Variants in KLHL1 observed in about 807,000 individuals in gnomAD.
KLHL1 encodes the protein kelch-like protein 1.
KLHL1 carries 47 observed loss-of-function variants against 77.7 expected under a neutral mutation model. The ratio of observed to expected loss-of-function variants is 0.60; its 90% confidence interval spans 0.48 to 0.77. KLHL1 has a LOEUF of 0.77. KLHL1 is among the 30% of genes least tolerant of loss of function. The pLI is 0.00. For missense variants in KLHL1, 925 were observed against 910.8 expected (o/e 1.02, Z -0.20); for synonymous variants, 360 against 325.2 (o/e 1.11, Z -1.15).
intron 5 of KLHL1, among the ~76,000 whole-genome samples, 157 bp downstream of exon 5, chr13:69,882,126 T>C (rs1881023087): frequency 6.6e-6 from 1 of 152,208 alleles, no homozygotes; most frequent in Non-Finnish European, 1.5e-5. Context: ...TCCATCATCA[T>C]ACATCATTTT....
intron 1 of KLHL1, among the ~76,000 whole-genome samples, chr13:70,073,505 T>A (rs1887185807): frequency 6.6e-6 from 1 of 151,928 alleles, no homozygotes; most frequent in South Asian, 2.1e-4. Context: ...CATGTGTACA[T>A]ATGTAACAAG....
intron 6 of KLHL1, among the ~76,000 whole-genome samples, chr13:69,832,600 A>G (rs1878804806): frequency 6.6e-6 from 1 of 151,702 alleles, no homozygotes; most frequent in Admixed American, 6.6e-5. Flanking sequence ...AAAATTCTAA[A>G]CCTCACGTGG....
intron 7 of KLHL1, among the ~76,000 whole-genome samples, chr13:69,749,224 C>A (rs1480108939): frequency 6.6e-6 from 1 of 151,896 alleles, no homozygotes; most frequent in Non-Finnish European, 1.5e-5. Context: ...CTAAAAATAT[C>A]TTTATAGATG....
intron 1 of KLHL1, among the ~76,000 whole-genome samples, chr13:70,086,590 A>AAAAAGAAAG (rs1403142406): frequency 1.3e-3 from 110 of 85,770 alleles, no homozygotes; most frequent in African/African-American, 4.9e-3. Flanking sequence ...AAAAAAAAAA[A>AAAAAGAAAG]AAAGAAAGAA....
intron 1 of KLHL1, among the ~76,000 whole-genome samples, chr13:69,987,761 A>G (rs1202265112): frequency 6.6e-6 from 1 of 152,214 alleles, no homozygotes. Context: ...ATAAAAATAG[A>G]AACATATAAA....
intron 9 of KLHL1, among the ~76,000 whole-genome samples, chr13:69,709,004 T>G (rs1875757260): frequency 6.6e-6 from 1 of 152,046 alleles, no homozygotes; most frequent in African/African-American, 2.4e-5. Context: ...GAATTTATAT[T>G]TCACAGAGAA....
chr13:69,808,184 C>T (rs528426777), intron 6 of KLHL1, among the ~76,000 whole-genome samples: 1 of 152,214 alleles, frequency 6.6e-6, no homozygotes, highest in East Asian at 1.9e-4. Context: ...GTGGCTCTTC[C>T]CACTGGGCCC....
chr13:70,098,715 G>C (rs544662051), intron 1 of KLHL1, among the ~76,000 whole-genome samples: 3 of 151,636 alleles, frequency 2.0e-5, no homozygotes, highest in African/African-American at 7.3e-5. Flanking sequence ...AGTGAAAATT[G>C]GATATAAGAA....
At chr13:70,103,001 T>A (rs1382184664) in intron 1 of KLHL1, among the ~76,000 whole-genome samples, 1 of 152,142 alleles carries the variant, frequency 6.6e-6, no homozygotes, top group Non-Finnish European at 1.5e-5. Flanking sequence ...TATTCATATA[T>A]GGTTACAAGC....
At chr13:69,839,185 G>A in intron 5 of KLHL1, 23 bp from the exon 6 acceptor site, 1 of 1,461,174 alleles carries the variant, frequency 6.8e-7, no homozygotes, top group South Asian at 1.3e-5. Flanking sequence ...CACAATAGCT[G>A]TTAATAATGT....
intron 5 of KLHL1, among the ~76,000 whole-genome samples, chr13:69,867,841 G>A (rs1217334659): frequency 1.6e-5 from 2 of 123,834 alleles, no homozygotes; most frequent in Admixed American, 1.9e-4. Context: ...ATCACACACT[G>A]GGGCCTGTTG....
At chr13:69,963,386 C>CATGTGTGTATGCACACAT (rs1001623790) in intron 2 of KLHL1, among the ~76,000 whole-genome samples, 4 of 152,142 alleles carry the variant, frequency 2.6e-5, no homozygotes, top group Non-Finnish European at 5.9e-5. Flanking sequence ...ATGTTTTTCA[C>CATGTGTGTATGCACACAT]ATGTGTGTAT....
At chr13:69,908,123 T>A (rs537526437) in intron 4 of KLHL1, among the ~76,000 whole-genome samples, 91 of 152,064 alleles carry the variant, frequency 6.0e-4, no homozygotes, top group Admixed American at 7.2e-4. Context: ...AGGACTGAGA[T>A]TGTAGCTTGT....
At chr13:70,097,380 T>C (rs1310215163) in intron 1 of KLHL1, among the ~76,000 whole-genome samples, 2 of 152,012 alleles carry the variant, frequency 1.3e-5, no homozygotes, top group Non-Finnish European at 2.9e-5. Flanking sequence ...AGGAGAAATA[T>C]GTGTTTAGCA....
intron 1 of KLHL1, among the ~76,000 whole-genome samples, chr13:69,984,972 A>G (rs963276480): frequency 5.9e-5 from 9 of 152,052 alleles, no homozygotes; most frequent in African/African-American, 2.2e-4. Context: ...TTAGCCAGGC[A>G]TGGTGGCGGG....
intron 6 of KLHL1, among the ~76,000 whole-genome samples, chr13:69,834,160 GC>G (rs1878886714): frequency 6.6e-6 from 1 of 151,802 alleles, no homozygotes; most frequent in Non-Finnish European, 1.5e-5. Context: ...GGTGATGGGT[GC>G]ACCAAAATCT....
chr13:69,995,254 C>T (rs1054724387), intron 1 of KLHL1, among the ~76,000 whole-genome samples: 6 of 151,932 alleles, frequency 3.9e-5, no homozygotes, highest in African/African-American at 1.5e-4. Context: ...TTGGTGGTTC[C>T]TGTTATGATT....
chr13:69,992,483 ATGTG>A (rs1404801731), intron 1 of KLHL1, among the ~76,000 whole-genome samples: 1 of 152,022 alleles, frequency 6.6e-6, no homozygotes, highest in Non-Finnish European at 1.5e-5. Flanking sequence ...GTGGAGAAAT[ATGTG>A]CCTTAGCTAG....
chr13:70,038,825 A>C (rs919056184), intron 1 of KLHL1, among the ~76,000 whole-genome samples: 1 of 151,850 alleles, frequency 6.6e-6, no homozygotes, highest in African/African-American at 2.4e-5. Flanking sequence ...TCCTGACCTC[A>C]GGTGATCCAC....
Sources: allele counts gnomAD v4.1 joint callset (sites outside exome capture counted in the v4.1 genomes callset), GRCh38; gene constraint gnomAD v4.1.1; transcripts MANE v1.5; gene names NCBI Gene and HGNC (gene_info 2026-07-23, HGNC 2026-07-21).